VAC14: variants seen among roughly 807,000 people sequenced by gnomAD.
VAC14 encodes protein VAC14 homolog.
Under a neutral mutation model 85.3 loss-of-function variants are expected in VAC14, and 47 were observed. That is an observed-to-expected ratio of 0.55 (90% CI 0.44 to 0.70). VAC14 has a LOEUF of 0.70. Ranked by LOEUF, VAC14 falls within the 30% of genes least tolerant of loss-of-function variation. The pLI, the probability that VAC14 is intolerant of heterozygous loss-of-function variation, is 0.00. For missense variants in VAC14, 861 were observed against 1,004.3 expected (o/e 0.86, Z 1.93); for synonymous variants, 447 against 430.5 (o/e 1.04, Z -0.47).
Position 70,791,805 on chromosome 16 carries a change from C to A in VAC14, c.105-5440G>T, listed in dbSNP as rs552928346. ...GTAGGTGGGGAAACACTTGTCAAGACGGGCAGGGGTGACAGGCAGCTTGAG... is the reference window on the plus strand; with the variant it reads ...GTAGGTGGGGAAACACTTGTCAAGAAGGGCAGGGGTGACAGGCAGCTTGAG... On this transcript the variant is annotated intron_variant, in intron 1 of 18. Transcript: ENST00000261776. 3.9e-5 allele frequency among the ~76,000 whole-genome samples: 6 copies of A among 152,296 alleles called. No homozygotes were observed. The South Asian group carries it at 8.3e-4, about 21-fold the overall frequency.
chr16:70,751,949 T>C (rs941421320), intron 12 of VAC14, among the ~76,000 whole-genome samples: 1 of 152,260 alleles, frequency 6.6e-6, no homozygotes, highest in Non-Finnish European at 1.5e-5. Flanking sequence ...GGAAGGAAAG[T>C]GTTGCCTAAA....
At chr16:70,734,532 T>C (rs1421952011) in intron 13 of VAC14, among the ~76,000 whole-genome samples, 2 of 152,246 alleles carry the variant, frequency 1.3e-5, no homozygotes, top group Non-Finnish European at 2.9e-5. Flanking sequence ...TTTGGTGTCA[T>C]AGCTATGAAA....
At chr16:70,697,326 C>G in intron 15 of VAC14, 69 bp from the exon 16 acceptor site, 2 of 1,370,174 alleles carry the variant, frequency 1.5e-6, no homozygotes, top group Non-Finnish European at 2.1e-6. Context: ...CACGTGGGGA[C>G]CTGAGGGAAG....
chr16:70,771,713 G>A, intron 10 of VAC14: 1 of 175,702 alleles, frequency 5.7e-6, no homozygotes, highest in South Asian at 1.3e-4. Flanking sequence ...CCAAGTAGCT[G>A]GGACTACAGG....
chr16:70,783,381 G>A, intron 6 of VAC14, 64 bp downstream of exon 6: 1 of 1,537,112 alleles, frequency 6.5e-7, no homozygotes, highest in South Asian at 1.1e-5. Context: ...CTGTGGGCAT[G>A]AAGCACATGG....
Position 70,719,428 on chromosome 16 carries a change from G to C in VAC14, c.1661+12067C>G, listed in dbSNP as rs2054236540. 3.9e-5 allele frequency among the ~76,000 whole-genome samples: 6 copies of C among 152,194 alleles called. No homozygotes were observed. The South Asian group carries it at 1.0e-3, about 26-fold the overall frequency. On this transcript the variant is annotated intron_variant, in intron 14 of 18. Coordinates refer to ENST00000261776, the MANE Select transcript of VAC14 (RefSeq NM_018052.5). The stretch of plus-strand genomic sequence containing the variant: ...TCTGTTCATCAAAGGACATCATTAA[G>C]GGAGTGATAAGGCATGCCACAGAGT...
intron 1 of VAC14, 30 bp downstream of exon 1, chr16:70,800,767 T>G (rs199596200): frequency 6.3e-6 from 10 of 1,584,436 alleles, no homozygotes; most frequent in African/African-American, 5.4e-5. Flanking sequence ...AGGGGCTGCA[T>G]AGCCAGGGAG....
intron 8 of VAC14, among the ~76,000 whole-genome samples, chr16:70,781,491 C>G (rs2033807234): frequency 6.6e-6 from 1 of 152,202 alleles, no homozygotes; most frequent in African/African-American, 2.4e-5. Context: ...AACTGAGCCC[C>G]TGCTCTCCTT....
intron 12 of VAC14, among the ~76,000 whole-genome samples, chr16:70,758,536 G>A (rs1250401330): frequency 6.6e-6 from 1 of 152,202 alleles, no homozygotes; most frequent in Non-Finnish European, 1.5e-5. Flanking sequence ...TAGGAGTTGT[G>A]GACTACCTGA....
At chr16:70,756,210 G>A (rs1278701760) in intron 12 of VAC14, 2 of 396,406 alleles carry the variant, frequency 5.0e-6, no homozygotes, top group African/African-American at 4.1e-5. Context: ...CCCCAGCTCT[G>A]CTCTGCTCTG....
At chr16:70,699,905 C>T (rs1469478762) in intron 14 of VAC14, 1 of 152,236 alleles carries the variant, frequency 6.6e-6, no homozygotes, top group Non-Finnish European at 1.5e-5. Context: ...CACCTTCCGT[C>T]TGGGGCTAAG....
chr16:70,765,416 A>G (rs1201381478), intron 10 of VAC14, among the ~76,000 whole-genome samples: 1 of 152,186 alleles, frequency 6.6e-6, no homozygotes, highest in Non-Finnish European at 1.5e-5. Context: ...AACAGCTCTG[A>G]TAACAATGGC....
chr16:70,784,594 T>C (rs1234181390), intron 4 of VAC14, among the ~76,000 whole-genome samples, 182 bp downstream of exon 4: 1 of 152,096 alleles, frequency 6.6e-6, no homozygotes, highest in Non-Finnish European at 1.5e-5. Flanking sequence ...CACAGTTCTG[T>C]ATTTGATAGT....
In VAC14 at chr16:70,692,976, G is replaced by C. The variant is rs926781605; in HGVS notation, c.2036-5C>G. ...CCAGCAGCTGCAGGCGCAGATCTGGGGTAGGCAGAGGGCAGGGGTCAGGGA... is the reference window on the plus strand; with the variant it reads ...CCAGCAGCTGCAGGCGCAGATCTGGCGTAGGCAGAGGGCAGGGGTCAGGGA... On this transcript the variant is annotated splice_polypyrimidine_tract_variant and splice_region_variant and intron_variant, in intron 17 of 18. Coordinates refer to ENST00000261776, the MANE Select transcript of VAC14 (RefSeq NM_018052.5). The C allele has an allele frequency of 6.2e-7, 1 of 1,609,468 alleles. No individual in the cohort carries two copies. Among genetic ancestry groups the C allele is most frequent in the Non-Finnish European group, 8.5e-7 (1 of 1,178,686 alleles).
At chr16:70,784,078 G>T in intron 5 of VAC14, 35 bp downstream of exon 5, 1 of 1,583,266 alleles carries the variant, frequency 6.3e-7, no homozygotes, top group Non-Finnish European at 8.7e-7. Flanking sequence ...TTTCCAAACT[G>T]GAGGCTGGAG....
At chr16:70,757,936 A>G (rs1272620990) in intron 12 of VAC14, among the ~76,000 whole-genome samples, 1 of 152,230 alleles carries the variant, frequency 6.6e-6, no homozygotes, top group Non-Finnish European at 1.5e-5. Context: ...CAAGTGGCAG[A>G]GCCCAAGGTG....
rs756033177 is a variant in VAC14 at position 70,785,765 on chromosome 16, G to A, written c.360C>T (p.Ile120=). 4.4e-6 allele frequency: 7 copies of A among 1,582,896 alleles called. No individual in the cohort carries two copies. Among genetic ancestry groups the A allele is most frequent in the Admixed American group, 1.8e-5 (1 of 55,988 alleles). Residue 120 remains isoleucine, a synonymous_variant, in exon 3 of 19, where the codon ATC becomes ATT. Coordinates refer to ENST00000261776, the MANE Select transcript of VAC14 (RefSeq NM_018052.5). ...RYYACEALYN[I]VKVARGAVLP... ...GCACAGCGCCCCGGGCCACCTTGACGATGTTGTAGAGGGCCTCGCAGGCAT... is the reference window on the plus strand; with the variant it reads ...GCACAGCGCCCCGGGCCACCTTGACAATGTTGTAGAGGGCCTCGCAGGCAT...
At chr16:70,717,414 G>A (rs2054190127) in intron 14 of VAC14, among the ~76,000 whole-genome samples, 1 of 152,188 alleles carries the variant, frequency 6.6e-6, no homozygotes, top group African/African-American at 2.4e-5. Context: ...GCCCATCCTC[G>A]CCTCTGCCTG....
intron 18 of VAC14, 199 bp from the exon 19 acceptor site, chr16:70,688,289 G>T: frequency 1.6e-6 from 2 of 1,227,926 alleles, no homozygotes; most frequent in Non-Finnish European, 1.0e-6. Flanking sequence ...TCCGCAGTTG[G>T]TGGGAACAGC....
Sources: gnomAD v4.1 joint callset for allele counts (sites outside exome capture counted in the v4.1 genomes callset) on GRCh38, gnomAD v4.1.1 for gene constraint, MANE v1.5 for transcripts, NCBI Gene and HGNC (gene_info 2026-07-23, HGNC 2026-07-21) for gene names.